KCNIP4: variants seen among roughly 807,000 people sequenced by gnomAD.
KCNIP4 encodes Kv channel-interacting protein 4.
KCNIP4 carries 12 observed loss-of-function variants against 34.0 expected under a neutral mutation model. The observed-to-expected ratio is 0.35, with a 90% CI of 0.23 to 0.57. The LOEUF is 0.57. Among genes scored for constraint, KCNIP4 ranks in the 20% least tolerant of loss-of-function variants. The probability of loss-of-function intolerance (pLI) is 0.83; values close to 1 mark genes in which losing one functional copy is unlikely to be tolerated. For missense variants in KCNIP4, 238 were observed against 311.7 expected (o/e 0.76, Z 1.78); for synonymous variants, 124 against 102.2 (o/e 1.21, Z -1.29).
chr4:20,862,933 A>T (rs535700116), intron 2 of KCNIP4, among the ~76,000 whole-genome samples: 1 of 152,286 alleles, frequency 6.6e-6, no homozygotes, highest in South Asian at 2.1e-4. Context: ...ACACATGGAT[A>T]CATAGAAGGG....
At chr4:21,848,946 A>ATATGTGTGTGTG (rs367624093) in intron 1 of KCNIP4, 1 of 128,446 alleles carries the variant, frequency 7.8e-6, no homozygotes, top group African/African-American at 2.7e-5. Context: ...ATATACATAT[A>ATATGTGTGTGTG]TGTGTGTGTG....
rs762422945 is a variant in KCNIP4, at chr4:21,697,418, C to T, written c.61+251153G>A. The T allele has an allele frequency of 8.9e-6, 14 of 1,564,522 alleles. No homozygotes were observed. In the Admixed American group the frequency reaches 1.2e-4, roughly 14 times the overall value. Reference sequence around the variant, plus strand: ...AAATTTCAGTATTTCACGTTTACACCGCTTTCTACAGCCACTCATCTTAAG... The same window carrying T: ...AAATTTCAGTATTTCACGTTTACACTGCTTTCTACAGCCACTCATCTTAAG... On this transcript the variant is annotated intron_variant, in intron 1 of 8. Transcript: ENST00000382152.
intron 1 of KCNIP4, among the ~76,000 whole-genome samples, chr4:21,231,633 A>T (rs1758793550): frequency 6.6e-6 from 1 of 152,140 alleles, no homozygotes; most frequent in Non-Finnish European, 1.5e-5. Flanking sequence ...GTAGGAGACC[A>T]TTGGGTTCTT....
chr4:21,757,190 GGAAGGAAGGAAAGAAAGAAAGAAA>G lies in KCNIP4; in HGVS notation c.61+191357_61+191380del, dbSNP rs1348878355. ...AAGAAGGAAGGAAGGAAGGAAGGAA[GGAAGGAAGGAAAGAAAGAAAGAAA>G]GAAAGAAAGAAAGAAAGAAAGAAAG... On this transcript the variant is annotated intron_variant, in intron 1 of 8. Coordinates refer to ENST00000382152, the MANE Select transcript of KCNIP4 (RefSeq NM_025221.6). 4.3e-4 allele frequency among the ~76,000 whole-genome samples: 15 copies of G among 34,822 alleles called. 1 individual carries two copies. Among genetic ancestry groups the G allele is most frequent in the Admixed American group, 1.5e-3 (6 of 3,924 alleles). 22.8% of individuals were successfully genotyped at this position (34,822 alleles called of 152,430 possible). A position where few individuals can be genotyped will look rare whatever the true frequency, so the allele number is the denominator to read the frequency against.
intron 1 of KCNIP4, among the ~76,000 whole-genome samples, chr4:20,914,323 G>T (rs1441668914): frequency 1.3e-5 from 2 of 152,088 alleles, no homozygotes; most frequent in Non-Finnish European, 2.9e-5. Flanking sequence ...GGTATTAGGA[G>T]GTAGGGACTT....
intron 1 of KCNIP4, among the ~76,000 whole-genome samples, chr4:21,696,247 T>A (rs1422362089): frequency 6.6e-6 from 1 of 152,148 alleles, no homozygotes; most frequent in Non-Finnish European, 1.5e-5. Context: ...TAATTGTATA[T>A]GCAGTTTAGT....
chr4:21,112,049 C>CTATCTATCTATCTATA (rs1553940039), intron 1 of KCNIP4, among the ~76,000 whole-genome samples: 115 of 151,826 alleles, frequency 7.6e-4, no homozygotes, highest in African/African-American at 9.4e-4. Flanking sequence ...ATCTATCTAT[C>CTATCTATCTATCTATA]TATCTATCTA....
intron 3 of KCNIP4, among the ~76,000 whole-genome samples, chr4:20,790,780 A>G (rs181714510): frequency 2.6e-5 from 4 of 152,294 alleles, no homozygotes; most frequent in Admixed American, 2.6e-4. Context: ...GGTCACCTGC[A>G]GTAAGTTGGA....
chr4:20,845,513 CT>C (rs1720260809), intron 3 of KCNIP4, among the ~76,000 whole-genome samples: 1 of 152,134 alleles, frequency 6.6e-6, no homozygotes, highest in Admixed American at 6.6e-5. Context: ...TGCTGACTCC[CT>C]TTTTGGACTC....
rs116250638 is a variant in KCNIP4, at chr4:20,952,819, G to A, written c.62-70110C>T. 2.7e-3 allele frequency among the ~76,000 whole-genome samples: 416 copies of A among 152,322 alleles called. 1 individual carries two copies. The highest frequency in any genetic ancestry group is 9.3e-3 in the African/African-American group (386 of 41,564). On this transcript the variant is annotated intron_variant, in intron 1 of 8. Transcript: ENST00000382152. ...TTGAATAAGTAATTTATAAACAACA[G>A]AATTTATTGCTCATAGCTCTGGAGG...
chr4:21,901,484 C>A (rs1260250042), intron 1 of KCNIP4, among the ~76,000 whole-genome samples: 1 of 152,112 alleles, frequency 6.6e-6, no homozygotes, highest in African/African-American at 2.4e-5. Context: ...ATTGTGTGCT[C>A]TTCATGTGCC....
chr4:21,292,469 G>C (rs1197800952), intron 1 of KCNIP4, among the ~76,000 whole-genome samples: 1 of 152,046 alleles, frequency 6.6e-6, no homozygotes, highest in Admixed American at 6.6e-5. Flanking sequence ...CTGTAAGAAT[G>C]ATCTTGCAGT....
rs772689134 is a variant in KCNIP4 at position 21,025,543 on chromosome 4, G to GTTTTTTTTTTTTTTTTTT, written c.62-142852_62-142835dup. On this transcript the variant is annotated intron_variant, in intron 1 of 8. Coordinates refer to ENST00000382152, the MANE Select transcript of KCNIP4 (RefSeq NM_025221.6). ...TGCAAAAAGGTCACTCATTGATACT[G>GTTTTTTTTTTTTTTTTTT]TTTTTTTTTTTTTTTTTTTTTTTTT... Among the ~76,000 whole-genome samples, 2 of 34,778 alleles carry GTTTTTTTTTTTTTTTTTT rather than the reference G, an allele frequency of 5.8e-5. 1 individual carries two copies. The highest frequency in any genetic ancestry group is 2.0e-4 in the African/African-American group (2 of 9,962). 22.8% of individuals were successfully genotyped at this position (34,778 alleles called of 152,430 possible). A position where few individuals can be genotyped will look rare whatever the true frequency, so the allele number is the denominator to read the frequency against.
intron 1 of KCNIP4, among the ~76,000 whole-genome samples, chr4:21,041,278 A>T (rs1577583143): frequency 6.7e-6 from 1 of 150,228 alleles, no homozygotes; most frequent in Non-Finnish European, 1.5e-5. Context: ...ACATGAAAAT[A>T]GTTTCATTGG....
At chr4:21,133,635 A>G (rs1751267339) in intron 1 of KCNIP4, among the ~76,000 whole-genome samples, 1 of 136,002 alleles carries the variant, frequency 7.4e-6, no homozygotes, top group African/African-American at 3.0e-5. Flanking sequence ...AATTTAGTAA[A>G]TGCCACTTAG....
intron 1 of KCNIP4, among the ~76,000 whole-genome samples, chr4:21,519,772 C>CACACGTGTGTGTATGTGTGTGTAT (rs1272154724): frequency 5.4e-5 from 7 of 130,790 alleles, no homozygotes; most frequent in Admixed American, 1.6e-4. Context: ...TGTGTGTATA[C>CACACGTGTGTGTATGTGTGTGTAT]ACACGTGTGT....
At chr4:21,092,484 T>C (rs1292387683) in intron 1 of KCNIP4, among the ~76,000 whole-genome samples, 1 of 152,192 alleles carries the variant, frequency 6.6e-6, no homozygotes, top group Admixed American at 6.5e-5. Context: ...CTGTTCTGTT[T>C]TGCAAAATAT....
At chr4:20,866,079 C>T (rs1322285547) in intron 2 of KCNIP4, among the ~76,000 whole-genome samples, 2 of 152,006 alleles carry the variant, frequency 1.3e-5, no homozygotes, top group Non-Finnish European at 2.9e-5. Flanking sequence ...ACCAGACATA[C>T]TAAGAAGAAC....
intron 3 of KCNIP4, among the ~76,000 whole-genome samples, chr4:20,832,564 T>C (rs1291819505): frequency 6.6e-6 from 1 of 152,158 alleles, no homozygotes; most frequent in Non-Finnish European, 1.5e-5. Context: ...GCATGTCTCA[T>C]GCAGGTTTCC....
Sources: gnomAD v4.1 joint callset for allele counts (sites outside exome capture counted in the v4.1 genomes callset) on GRCh38, gnomAD v4.1.1 for gene constraint, MANE v1.5 for transcripts, NCBI Gene and HGNC (gene_info 2026-07-23, HGNC 2026-07-21) for gene names.